DENND1B: variants seen among roughly 807,000 people sequenced by gnomAD.
DENND1B encodes DENN domain containing 1B.
A neutral mutation model predicts 90.1 loss-of-function variants in DENND1B; 59 were observed. The ratio of observed to expected loss-of-function variants is 0.65; its 90% CI spans 0.53 to 0.81. DENND1B has a LOEUF of 0.81. Among genes scored for constraint, DENND1B ranks in the 40% least tolerant of loss-of-function variants. The pLI, the probability that DENND1B is intolerant of heterozygous loss-of-function variation, is 0.00. For synonymous variants in DENND1B, 337 were observed against 324.6 expected, an observed-to-expected ratio of 1.04 and a Z score of -0.41; for missense variants, 862 against 912.6, an observed-to-expected ratio of 0.94 and a Z score of 0.71.
chr1:197,689,881 A>T (rs1461524388), intron 3 of DENND1B: 1 of 153,126 alleles, frequency 6.5e-6, no homozygotes, highest in Non-Finnish European at 1.5e-5. Flanking sequence ...AAGTGCTAAC[A>T]TACCTTGGCT....
intron 10 of DENND1B, among the ~76,000 whole-genome samples, chr1:197,632,789 G>C (rs778256789): frequency 5.3e-5 from 8 of 152,068 alleles, no homozygotes; most frequent in Non-Finnish European, 8.8e-5. Context: ...TGGCTAACTG[G>C]GGTACCATAT....
intron 20 of DENND1B, among the ~76,000 whole-genome samples, chr1:197,530,306 TTTGAAAAACAG>T (rs1182939313): frequency 6.6e-6 from 1 of 152,186 alleles, no homozygotes; most frequent in Non-Finnish European, 1.5e-5. Flanking sequence ...ATTTTCATCT[TTTGAAAAACAG>T]ATGAAAATAA....
At chr1:197,736,742 C>T (rs1192637491) in intron 2 of DENND1B, among the ~76,000 whole-genome samples, 1 of 152,170 alleles carries the variant, frequency 6.6e-6, no homozygotes, top group Non-Finnish European at 1.5e-5. Flanking sequence ...TACAAATGCC[C>T]ATACTGCATT....
At chr1:197,686,097 C>A (rs1438834468) in intron 3 of DENND1B, among the ~76,000 whole-genome samples, 1 of 152,060 alleles carries the variant, frequency 6.6e-6, no homozygotes, top group African/African-American at 2.4e-5. Context: ...TGCTTTGGCA[C>A]AAGAGAACTT....
At chr1:197,717,857 A>G (rs1660788393) in intron 2 of DENND1B, among the ~76,000 whole-genome samples, 2 of 152,008 alleles carry the variant, frequency 1.3e-5, no homozygotes, top group South Asian at 4.1e-4. Context: ...AATTTGCACA[A>G]AAGGATAATA....
chr1:197,523,232 G>T (rs540710901), intron 20 of DENND1B, among the ~76,000 whole-genome samples: 4 of 152,130 alleles, frequency 2.6e-5, no homozygotes, highest in African/African-American at 7.2e-5. Flanking sequence ...ACTGCTGGGG[G>T]AAATGTAGAA....
intron 6 of DENND1B, among the ~76,000 whole-genome samples, chr1:197,654,308 G>A (rs1653563384): frequency 6.6e-6 from 1 of 151,962 alleles, no homozygotes; most frequent in Admixed American, 6.6e-5. Context: ...AAGTCACAAG[G>A]ATATTAGAAA....
At chr1:197,556,405 C>G (rs1187745555) in intron 15 of DENND1B, among the ~76,000 whole-genome samples, 2 of 151,896 alleles carry the variant, frequency 1.3e-5, no homozygotes, top group Non-Finnish European at 2.9e-5. Context: ...TTTAATCATC[C>G]TTTTATCATC....
chr1:197,741,037 ATATGAAGACTATATTTTCTTCC>A (rs1663163067), intron 2 of DENND1B, among the ~76,000 whole-genome samples: 1 of 152,214 alleles, frequency 6.6e-6, no homozygotes, highest in African/African-American at 2.4e-5. Flanking sequence ...AAAGCTTTTC[ATATGAAGACTATATTTTCTTCC>A]TAAAAAAGAA....
Position 197,761,266 on chromosome 1 carries a change from TTAATA to T in DENND1B, c.82+11597_82+11601del, listed in dbSNP as rs1044693043. ...TAATTATTAAACAGAAATTGCTCTT[TTAATA>T]TGAGTAAAAATGATGAAGACCTTCA... On this transcript the variant is annotated intron_variant, in intron 2 of 22. Transcript: ENST00000620048. Among the ~76,000 whole-genome samples, 4 of 152,284 alleles carry T rather than the reference TTAATA, an allele frequency of 2.6e-5. No homozygotes were observed. The South Asian group carries it at 8.3e-4, about 32-fold the overall frequency.
chr1:197,602,354 T>C lies in DENND1B; in HGVS notation c.921+4719A>G, dbSNP rs185226190. Among the ~76,000 whole-genome samples, 822 of 151,598 alleles carry C rather than the reference T, an allele frequency of 5.4e-3. 9 individuals carry two copies. Among genetic ancestry groups the C allele is most frequent in the African/African-American group, 0.019 (796 of 41,464 alleles). ...CACCTAGATGCCTGAGTTCTAACAA[T>C]TGAAGACTGAGAGGAGAAAAAGCAT... On this transcript the variant is annotated intron_variant, in intron 13 of 22. Coordinates refer to ENST00000620048, the MANE Select transcript of DENND1B (RefSeq NM_001195215.2).
chr1:197,541,180 A>G (rs971873437), intron 18 of DENND1B, among the ~76,000 whole-genome samples, 165 bp from the exon 19 acceptor site: 1 of 152,206 alleles, frequency 6.6e-6, no homozygotes, highest in Non-Finnish European at 1.5e-5. Context: ...CATATCACTT[A>G]CTATTTTATT....
At chr1:197,771,338 G>C (rs1157204546) in intron 2 of DENND1B, among the ~76,000 whole-genome samples, 1 of 152,170 alleles carries the variant, frequency 6.6e-6, no homozygotes, top group Admixed American at 6.5e-5. Context: ...AAAACATAAT[G>C]TATCCATTTG....
chr1:197,671,922 A>ATTTTTCAACT, intron 5 of DENND1B, 115 bp downstream of exon 5: 1 of 1,100,330 alleles, frequency 9.1e-7, no homozygotes, highest in Non-Finnish European at 1.2e-6. Flanking sequence ...CAGGAAAATT[A>ATTTTTCAACT]TTTTTCAACT....
chr1:197,586,881 T>A (rs1240874242), intron 14 of DENND1B, among the ~76,000 whole-genome samples: 12 of 152,176 alleles, frequency 7.9e-5, no homozygotes, highest in Non-Finnish European at 4.4e-5. Flanking sequence ...GCCAGCTTCT[T>A]ATATCCCATA....
chr1:197,735,661 G>T, intron 2 of DENND1B: 1 of 1,614,162 alleles, frequency 6.2e-7, no homozygotes, highest in Non-Finnish European at 8.5e-7. Context: ...TGCGGTTTCA[G>T]CCGGTACAAG....
chr1:197,595,508 A>G (rs1430674682), intron 13 of DENND1B, among the ~76,000 whole-genome samples, 175 bp from the exon 14 acceptor site: 1 of 152,104 alleles, frequency 6.6e-6, no homozygotes, highest in Non-Finnish European at 1.5e-5. Flanking sequence ...AATTGAAACG[A>G]AAGCAGGAGA....
intron 13 of DENND1B, chr1:197,606,213 A>T (rs1016922203): frequency 2.6e-5 from 4 of 151,034 alleles, no homozygotes; most frequent in Non-Finnish European, 5.9e-5. Context: ...ACTTTTGGAG[A>T]CTATTTAACG....
Position 197,545,935 on chromosome 1 carries a change from G to C in DENND1B, c.1337C>G (p.Thr446Arg), listed in dbSNP as rs767358780. The C allele has an allele frequency of 1.2e-6, 2 of 1,602,800 alleles. No homozygotes were observed. The highest frequency in any genetic ancestry group is 1.1e-5 in the South Asian group (1 of 87,754). Residue 446 changes from threonine to arginine, a missense_variant, in exon 18 of 23, where the codon ACA (threonine) becomes AGA (arginine). By Grantham distance (71) the Thr-to-Arg change is moderately conservative (BLOSUM62 -1). Coordinates refer to ENST00000620048, the MANE Select transcript of DENND1B (RefSeq NM_001195215.2). ...AAAAAAACTTACAAATTTATATGCT[G>C]TCCGTACAGCAGGGGTTGCTTTGGT... Reference protein sequence around the residue: ...AMTKATPAVRTAYKFAKNHAK... With the variant: ...AMTKATPAVRRAYKFAKNHAK...
Sources: gnomAD v4.1 joint callset for allele counts (sites outside exome capture counted in the v4.1 genomes callset) on GRCh38, gnomAD v4.1.1 for gene constraint, MANE v1.5 for transcripts, NCBI Gene and HGNC (gene_info 2026-07-23, HGNC 2026-07-21) for gene names.